The following ANKRD44 variants were observed in gnomAD, a reference collection of about 807,000 sequenced individuals.
ANKRD44 encodes ankyrin repeat domain 44.
ANKRD44 carries 35 observed loss-of-function variants against 116.0 expected under a neutral mutation model. The ratio of observed to expected loss-of-function variants is 0.30; its 90% CI spans 0.23 to 0.40. The LOEUF is 0.40. Ranked by LOEUF, ANKRD44 falls within the 10% of genes least tolerant of loss-of-function variation. The probability of loss-of-function intolerance (pLI) is 1.00; values close to 1 mark genes in which losing one functional copy is unlikely to be tolerated. For synonymous variants in ANKRD44, 435 were observed against 461.8 expected (o/e 0.94, Z 0.74); for missense variants, 1,014 against 1,242.6 (o/e 0.82, Z 2.77).
At chr2:197,026,561 G>A (rs2076599261) in intron 16 of ANKRD44, among the ~76,000 whole-genome samples, 1 of 152,220 alleles carries the variant, frequency 6.6e-6, no homozygotes, top group Non-Finnish European at 1.5e-5. Context: ...GTGAGCGAGG[G>A]TGAGAATGGC....
intron 16 of ANKRD44, among the ~76,000 whole-genome samples, chr2:197,038,426 T>A (rs2076846787): frequency 6.6e-6 from 1 of 152,176 alleles, no homozygotes; most frequent in African/African-American, 2.4e-5. Context: ...TAGAACATAG[T>A]CTTATAACTG....
chr2:197,015,681 G>T (rs2076378208), intron 17 of ANKRD44: 1 of 559,328 alleles, frequency 1.8e-6, no homozygotes, highest in Non-Finnish European at 3.3e-6. Context: ...GTGATGGTGG[G>T]TGTAATGGAT....
chr2:197,154,697 C>G (rs114945451), intron 2 of ANKRD44, among the ~76,000 whole-genome samples: 3,455 of 152,188 alleles, frequency 0.023, 60 homozygotes, highest in Non-Finnish European at 0.033. Context: ...TCAATGTTTT[C>G]CCCAAGTTAC....
At chr2:197,092,136 C>T (rs1052851339) in intron 10 of ANKRD44, among the ~76,000 whole-genome samples, 5 of 152,178 alleles carry the variant, frequency 3.3e-5, no homozygotes, top group African/African-American at 4.8e-5. Flanking sequence ...CAGGTGGCTC[C>T]TGTGTACTTG....
At chr2:197,037,338 G>C (rs1203597113) in intron 16 of ANKRD44, among the ~76,000 whole-genome samples, 1 of 152,150 alleles carries the variant, frequency 6.6e-6, no homozygotes, top group South Asian at 2.1e-4. Flanking sequence ...GTAAGGGGTT[G>C]ATGTTTTTAT....
At chr2:197,235,450 T>C (rs756751624) in intron 1 of ANKRD44, among the ~76,000 whole-genome samples, 4 of 151,950 alleles carry the variant, frequency 2.6e-5, no homozygotes, top group African/African-American at 4.8e-5. Context: ...ACCCCATCTC[T>C]ACTAAAAATA....
intron 1 of ANKRD44, among the ~76,000 whole-genome samples, chr2:197,225,025 C>T (rs937558344): frequency 1.3e-5 from 2 of 152,024 alleles, no homozygotes; most frequent in Non-Finnish European, 2.9e-5. Flanking sequence ...ATTATATTGC[C>T]AAAGCTTTTA....
intron 16 of ANKRD44, among the ~76,000 whole-genome samples, chr2:197,039,884 T>G (rs941960558): frequency 1.3e-5 from 2 of 152,084 alleles, no homozygotes; most frequent in Non-Finnish European, 2.9e-5. Flanking sequence ...CCTAAACTTG[T>G]AAAAATAGGC....
At chr2:197,034,050 T>TATAGAGAGAGAG (rs2076759590) in intron 16 of ANKRD44, among the ~76,000 whole-genome samples, 2 of 110,578 alleles carry the variant, frequency 1.8e-5, no homozygotes, top group Non-Finnish European at 3.6e-5. Flanking sequence ...ATATGAGGGC[T>TATAGAGAGAGAG]AGAGAGAGAG....
intron 16 of ANKRD44, among the ~76,000 whole-genome samples, chr2:197,041,806 T>C (rs973729379): frequency 1.3e-5 from 2 of 152,020 alleles, no homozygotes; most frequent in Non-Finnish European, 2.9e-5. Context: ...CAAAAATAAA[T>C]CTCACCACAG....
intron 16 of ANKRD44, among the ~76,000 whole-genome samples, chr2:197,067,655 T>A (rs1237173469): frequency 4.1e-5 from 5 of 122,892 alleles, no homozygotes; most frequent in Admixed American, 8.7e-5. Context: ...TCAAAACCAC[T>A]ATGAGATATC....
intron 1 of ANKRD44, among the ~76,000 whole-genome samples, chr2:197,273,977 AAAAATATATATATAT>A (rs1559208171): frequency 1.9e-5 from 1 of 51,312 alleles, no homozygotes; most frequent in African/African-American, 7.7e-5. Context: ...AAAAAAAAAA[AAAAATATATATATAT>A]ATATATATAT....
In ANKRD44 at chr2:196,988,024, T is replaced by G; in HGVS notation, c.*1567A>C. The G allele has an allele frequency of 5.1e-6, 5 of 985,400 alleles. No homozygotes were observed. The highest frequency in any genetic ancestry group is 6.0e-6 in the Non-Finnish European group (5 of 829,910). 61.0% of individuals were successfully genotyped at this position (985,400 alleles called of 1,614,324 possible). The stretch of plus-strand genomic sequence containing the variant: ...AGTTGATGTAATGAACAGTTCATTG[T>G]GAGCATGATTTCATTTCGTTCCTTT... On this transcript the variant is annotated 3_prime_UTR_variant, in exon 28 of 28. Coordinates refer to ENST00000282272, the MANE Select transcript of ANKRD44 (RefSeq NM_001195144.2).
At chr2:197,151,400 A>T (rs2079646004) in intron 2 of ANKRD44, among the ~76,000 whole-genome samples, 2 of 152,232 alleles carry the variant, frequency 1.3e-5, no homozygotes, top group Non-Finnish European at 2.9e-5. Context: ...ATAACTTAAG[A>T]CACAAAGGAC....
chr2:197,029,861 C>A (rs2076670992), intron 16 of ANKRD44: 2 of 276,822 alleles, frequency 7.2e-6, no homozygotes, highest in South Asian at 3.6e-5. Flanking sequence ...GGAACTTCCT[C>A]AATACAATGA....
At chr2:197,043,476 G>T (rs2076948109) in intron 16 of ANKRD44, among the ~76,000 whole-genome samples, 1 of 152,258 alleles carries the variant, frequency 6.6e-6, no homozygotes, top group East Asian at 1.9e-4. Context: ...CCAAAGCACT[G>T]AGATGACAAG....
intron 27 of ANKRD44, 22 bp from the exon 28 acceptor site, chr2:196,989,671 C>T: frequency 6.5e-7 from 1 of 1,550,022 alleles, no homozygotes; most frequent in Non-Finnish European, 8.7e-7. Flanking sequence ...GGAGCAGACA[C>T]AGTATTCACT....
chr2:197,096,529 G>C (rs2078164745), intron 10 of ANKRD44, among the ~76,000 whole-genome samples: 1 of 152,148 alleles, frequency 6.6e-6, no homozygotes, highest in Admixed American at 6.6e-5. Flanking sequence ...TTAAAGTTCA[G>C]AGAAGCAAAA....
At chr2:197,215,896 G>A (rs762251635) in intron 1 of ANKRD44, among the ~76,000 whole-genome samples, 1 of 152,198 alleles carries the variant, frequency 6.6e-6, no homozygotes, top group African/African-American at 2.4e-5. Flanking sequence ...CAAAATTTAT[G>A]ATGCTGTTTC....
Sources: gnomAD v4.1 joint callset for allele counts (sites outside exome capture counted in the v4.1 genomes callset) on GRCh38, gnomAD v4.1.1 for gene constraint, MANE v1.5 for transcripts, NCBI Gene and HGNC (gene_info 2026-07-23, HGNC 2026-07-21) for gene names.